Variants in CKAP5 observed in about 807,000 individuals in gnomAD.
CKAP5 encodes the protein cytoskeleton-associated protein 5.
CKAP5 carries 27 observed loss-of-function variants against 232.8 expected under a neutral mutation model. The observed-to-expected ratio is 0.12, with a 90% confidence interval of 0.09 to 0.16. The LOEUF (loss-of-function observed/expected upper bound fraction) is 0.16. Ranked by LOEUF, CKAP5 falls within the 10% of genes least tolerant of loss-of-function variation. The pLI is 1.00. For synonymous variants in CKAP5, 785 were observed against 841.1 expected (o/e 0.93, Z 1.16); for missense variants, 1,838 against 2,424.7 (o/e 0.76, Z 5.08).
intron 42 of CKAP5, among the ~76,000 whole-genome samples, chr11:46,747,865 G>A (rs1421636015): frequency 1.3e-5 from 2 of 152,078 alleles, no homozygotes; most frequent in Non-Finnish European, 2.9e-5. Flanking sequence ...TTAGAGACCA[G>A]CCTGGGCAAC....
chr11:46,842,435 C>CAGA (rs1316911883), intron 1 of CKAP5, among the ~76,000 whole-genome samples: 1 of 152,152 alleles, frequency 6.6e-6, no homozygotes, highest in Admixed American at 6.5e-5. Flanking sequence ...GGACATTTAC[C>CAGA]CTCTGAATAT....
chr11:46,816,786 A>AT lies in CKAP5; in HGVS notation c.252-383dup, dbSNP rs397848056. Among the ~76,000 whole-genome samples the AT allele has an allele frequency of 0.011, 1,374 of 127,158 alleles. 44 individuals carry two copies. In the South Asian group the frequency reaches 0.13, roughly 12 times the overall value. 83.4% of individuals were successfully genotyped at this position (127,158 alleles called of 152,430 possible). On this transcript the variant is annotated intron_variant, in intron 3 of 43. Transcript: ENST00000529230. Reference sequence around the variant, plus strand: ...TAGGGTTACAGAATGCTTGCTTTCAATTTTTTTTTTTTTTTTTTTTTTTTA... The same window carrying AT: ...TAGGGTTACAGAATGCTTGCTTTCAATTTTTTTTTTTTTTTTTTTTTTTTTA...
chr11:46,821,511 ACCTC>A (rs924062203), intron 1 of CKAP5, among the ~76,000 whole-genome samples: 3 of 142,466 alleles, frequency 2.1e-5, no homozygotes, highest in African/African-American at 5.3e-5. Flanking sequence ...TGCAAGCTAC[ACCTC>A]CTGGGCTGAC....
intron 26 of CKAP5, among the ~76,000 whole-genome samples, chr11:46,769,328 C>A (rs2065229045): frequency 6.6e-6 from 1 of 152,098 alleles, no homozygotes; most frequent in Non-Finnish European, 1.5e-5. Context: ...ATTATAGTAT[C>A]CAGGAGCAGA....
chr11:46,816,166 C>G (rs1255140471), intron 4 of CKAP5, 32 bp downstream of exon 4: 1 of 1,573,574 alleles, frequency 6.4e-7, no homozygotes, highest in East Asian at 2.2e-5. Context: ...GGGACTGCTG[C>G]TCTAGTTAAC....
chr11:46,784,622 A>C lies in CKAP5; in HGVS notation c.2020T>G (p.Phe674Val). ...ACAACCTGAGCTGACGTTTTGGAAA[A>C]ATTTCCCTTCTGGGCAATCAAAGCA... ...IVALIAQKGN[F>V]SKTSAQVVLD... Residue 674 changes from phenylalanine to valine, a missense_variant, in exon 17 of 44, where the codon TTT becomes GTT. Coordinates refer to ENST00000529230, the MANE Select transcript of CKAP5 (RefSeq NM_001008938.4). 1.2e-6 allele frequency: 2 copies of C among 1,614,062 alleles called. No homozygotes were observed. Among genetic ancestry groups the C allele is most frequent in the African/African-American group, 2.7e-5 (2 of 75,010 alleles).
intron 13 of CKAP5, among the ~76,000 whole-genome samples, chr11:46,792,560 A>C (rs762469576): frequency 7.5e-4 from 114 of 151,800 alleles, no homozygotes; most frequent in Non-Finnish European, 9.1e-4. Context: ...CTCAAAAAAA[A>C]ACAAAAACAA....
intron 12 of CKAP5, among the ~76,000 whole-genome samples, 160 bp downstream of exon 12, chr11:46,796,652 T>G (rs1378817909): frequency 4.1e-4 from 63 of 152,258 alleles, no homozygotes; most frequent in African/African-American, 1.4e-3. Context: ...CCAAAACTTG[T>G]TTCAATTATG....
At chr11:46,819,116 G>T (rs530572870) in intron 2 of CKAP5, among the ~76,000 whole-genome samples, 1 of 152,108 alleles carries the variant, frequency 6.6e-6, no homozygotes, top group South Asian at 2.1e-4. Flanking sequence ...TACTACAAAG[G>T]AGAAGCAACT....
intron 8 of CKAP5, among the ~76,000 whole-genome samples, chr11:46,806,850 A>G (rs1447881233): frequency 6.6e-6 from 1 of 152,212 alleles, no homozygotes; most frequent in Non-Finnish European, 1.5e-5. Context: ...GCACATTCCC[A>G]GCTGAGGTAG....
intron 32 of CKAP5, among the ~76,000 whole-genome samples, chr11:46,761,765 C>T (rs530036125): frequency 6.6e-6 from 1 of 152,180 alleles, no homozygotes; most frequent in Non-Finnish European, 1.5e-5. Context: ...GCACTCATTT[C>T]TAAAGCAAAT....
intron 2 of CKAP5, among the ~76,000 whole-genome samples, chr11:46,820,349 T>C (rs1939498403): frequency 6.6e-6 from 1 of 152,184 alleles, no homozygotes; most frequent in Non-Finnish European, 1.5e-5. Flanking sequence ...GGAGTGGTTC[T>C]GTGGAGGATA....
intron 20 of CKAP5, among the ~76,000 whole-genome samples, chr11:46,779,500 A>G (rs544709069): frequency 4.1e-4 from 62 of 150,054 alleles, no homozygotes; most frequent in African/African-American, 1.5e-3. Flanking sequence ...ATACATACAT[A>G]TTCTTCATTC....
chr11:46,833,702 C>A (rs1475064709), intron 1 of CKAP5, among the ~76,000 whole-genome samples: 1 of 151,646 alleles, frequency 6.6e-6, no homozygotes, highest in Non-Finnish European at 1.5e-5. Flanking sequence ...TGGGCTTAAT[C>A]TCCTGACCTT....
intron 42 of CKAP5, 99 bp from the exon 43 acceptor site, chr11:46,744,676 C>G: frequency 2.5e-6 from 3 of 1,197,784 alleles, no homozygotes; most frequent in Non-Finnish European, 3.5e-6. Context: ...TTAAGAATTT[C>G]CTATACTTGA....
intron 5 of CKAP5, among the ~76,000 whole-genome samples, chr11:46,810,259 A>G (rs937412443): frequency 6.6e-6 from 1 of 152,148 alleles, no homozygotes. Flanking sequence ...GGTATAAGCC[A>G]CCGTGCCTGG....
intron 27 of CKAP5, 51 bp from the exon 28 acceptor site, chr11:46,765,307 G>A (rs751078551): frequency 6.6e-7 from 1 of 1,515,210 alleles, no homozygotes; most frequent in South Asian, 1.3e-5. Flanking sequence ...TTCTCCTTAA[G>A]AATATGATGC....
chr11:46,775,699 A>T (rs2065284516), intron 24 of CKAP5, among the ~76,000 whole-genome samples: 1 of 152,180 alleles, frequency 6.6e-6, no homozygotes, highest in Admixed American at 6.5e-5. Flanking sequence ...GGAAACCGTC[A>T]TTCTCAGCAA....
At position 46,807,291 on chromosome 11, in the gene CKAP5, G is replaced by C. The variant is rs142482124; in HGVS notation, c.978+740C>G. On this transcript the variant is annotated intron_variant, in intron 8 of 43. Coordinates refer to ENST00000529230, the MANE Select transcript of CKAP5 (RefSeq NM_001008938.4). Reference sequence around the variant, plus strand: ...ATTCACTAATTTAGTGTTCGCAGTGGCTTTACAGAATATAACTACTACAAG... The same window carrying C: ...ATTCACTAATTTAGTGTTCGCAGTGCCTTTACAGAATATAACTACTACAAG... Among the ~76,000 whole-genome samples the C allele has an allele frequency of 2.7e-3, 418 of 152,278 alleles. 2 individuals are homozygous for C. The highest frequency in any genetic ancestry group is 9.5e-3 in the African/African-American group (396 of 41,560).
Sources: gnomAD v4.1 joint callset for allele counts (sites outside exome capture counted in the v4.1 genomes callset) on GRCh38, gnomAD v4.1.1 for gene constraint, MANE v1.5 for transcripts, NCBI Gene and HGNC (gene_info 2026-07-23, HGNC 2026-07-21) for gene names.